The following UBAC2 variants were observed in gnomAD, a reference collection of about 807,000 sequenced individuals.
UBAC2 encodes the protein ubiquitin-associated domain-containing protein 2.
A neutral mutation model predicts 44.0 loss-of-function variants in UBAC2; 26 were observed. The ratio of observed to expected loss-of-function variants is 0.59; its 90% CI spans 0.43 to 0.82. The LOEUF (loss-of-function observed/expected upper bound fraction) is 0.82. UBAC2 is among the 40% of genes least tolerant of loss of function. The probability of loss-of-function intolerance (pLI) is 0.00; values close to 1 mark genes in which losing one functional copy is unlikely to be tolerated. For missense variants in UBAC2, 329 were observed against 419.4 expected (o/e 0.78, Z 1.88); for synonymous variants, 155 against 154.3 (o/e 1.00, Z -0.04).
chr13:99,362,203 G>A (rs1484337561), intron 7 of UBAC2, among the ~76,000 whole-genome samples: 1 of 152,100 alleles, frequency 6.6e-6, no homozygotes, highest in African/African-American at 2.4e-5. Context: ...ATTTACCCAT[G>A]TAAATCTAAT....
At chr13:99,380,927 A>T (rs931898340) in intron 8 of UBAC2, among the ~76,000 whole-genome samples, 1 of 152,266 alleles carries the variant, frequency 6.6e-6, no homozygotes, top group Non-Finnish European at 1.5e-5. Context: ...AAGGGGCATG[A>T]TCTGCCCCGC....
intron 4 of UBAC2, among the ~76,000 whole-genome samples, chr13:99,274,766 A>G (rs1174669825): frequency 6.8e-6 from 1 of 146,658 alleles, no homozygotes; most frequent in Non-Finnish European, 1.5e-5. Flanking sequence ...CCCAGGCTGG[A>G]GTGTGGTGGC....
chr13:99,212,998 G>A (rs34647286), intron 1 of UBAC2, among the ~76,000 whole-genome samples: 25,029 of 151,944 alleles, frequency 0.16, 2,332 homozygotes, highest in Middle Eastern at 0.23. Flanking sequence ...TGATTCCCAC[G>A]CCCACGTAAC....
chr13:99,303,073 G>A (rs76617964), intron 4 of UBAC2, among the ~76,000 whole-genome samples: 4,630 of 152,210 alleles, frequency 0.03, 92 homozygotes, highest in Middle Eastern at 0.13. Context: ...CTTAGTAGAG[G>A]CAGCCTTATT....
At chr13:99,309,465 A>G (rs1442238850) in intron 4 of UBAC2, among the ~76,000 whole-genome samples, 1 of 152,148 alleles carries the variant, frequency 6.6e-6, no homozygotes, top group African/African-American at 2.4e-5. Context: ...TGGGGTCATT[A>G]TCCTGTAAGA....
chr13:99,374,799 A>T (rs1227460005), intron 8 of UBAC2, among the ~76,000 whole-genome samples: 1 of 152,174 alleles, frequency 6.6e-6, no homozygotes, highest in Non-Finnish European at 1.5e-5. Context: ...CTCCCTGTGG[A>T]CAGCGAGCTT....
At chr13:99,340,175 G>C in intron 6 of UBAC2, 145 bp from the exon 7 acceptor site, 1 of 773,134 alleles carries the variant, frequency 1.3e-6, no homozygotes, top group East Asian at 2.7e-5. Flanking sequence ...CTGCAGTGTG[G>C]TAGAGGATTT....
intron 8 of UBAC2, among the ~76,000 whole-genome samples, chr13:99,381,037 G>A (rs754081003): frequency 3.9e-5 from 6 of 152,336 alleles, no homozygotes; most frequent in South Asian, 2.1e-4. Context: ...CCAGCACCGC[G>A]GCACATGTCG....
intron 6 of UBAC2, among the ~76,000 whole-genome samples, chr13:99,334,718 G>A (rs1385752048): frequency 6.6e-6 from 1 of 152,034 alleles, no homozygotes; most frequent in African/African-American, 2.4e-5. Flanking sequence ...AGGAAAGGGG[G>A]AGTAAAGAGT....
chr13:99,254,667 G>T (rs1031301958), intron 4 of UBAC2: 1 of 477,778 alleles, frequency 2.1e-6, no homozygotes, highest in Admixed American at 3.9e-5. Flanking sequence ...TTAATTATCT[G>T]TGTGAACAAG....
At chr13:99,382,659 C>T (rs748730396) in intron 8 of UBAC2, among the ~76,000 whole-genome samples, 18 of 152,158 alleles carry the variant, frequency 1.2e-4, no homozygotes, top group Non-Finnish European at 2.2e-4. Flanking sequence ...GCAGCCACAG[C>T]CCTCATACTG....
intron 6 of UBAC2, among the ~76,000 whole-genome samples, chr13:99,334,043 G>A (rs2138814683): frequency 6.6e-6 from 1 of 152,250 alleles, no homozygotes; most frequent in East Asian, 1.9e-4. Flanking sequence ...GAATTCTTGG[G>A]TCAAGTGACC....
chr13:99,312,699 C>T (rs763607713), intron 4 of UBAC2: 1 of 153,128 alleles, frequency 6.5e-6, no homozygotes, highest in Non-Finnish European at 1.5e-5. Flanking sequence ...GTTGCACAAG[C>T]TGAGTTTCCT....
intron 4 of UBAC2, chr13:99,296,305 A>G (rs959428215): frequency 3.6e-6 from 2 of 550,370 alleles, no homozygotes; most frequent in Non-Finnish European, 5.9e-6. Context: ...ATTTCATGAC[A>G]TGCAATTTTT....
At chr13:99,364,149 G>T (rs1294978058) in intron 7 of UBAC2, among the ~76,000 whole-genome samples, 2 of 136,304 alleles carry the variant, frequency 1.5e-5, no homozygotes, top group Non-Finnish European at 3.4e-5. Context: ...GTTTGGGTTT[G>T]GTTTTTGTTC....
intron 4 of UBAC2, among the ~76,000 whole-genome samples, chr13:99,269,406 A>G (rs1437681691): frequency 6.6e-6 from 1 of 152,214 alleles, no homozygotes; most frequent in Non-Finnish European, 1.5e-5. Flanking sequence ...TCCAGGACAT[A>G]ATTCACTGCA....
intron 4 of UBAC2, 135 bp downstream of exon 4, chr13:99,244,759 A>G (rs1468416791): frequency 2.0e-6 from 1 of 507,800 alleles, no homozygotes; most frequent in Non-Finnish European, 3.4e-6. Flanking sequence ...ATATGTAAAA[A>G]GTCTAATCTA....
chr13:99,284,770 G>C (rs1208009014), intron 4 of UBAC2, among the ~76,000 whole-genome samples: 1 of 152,152 alleles, frequency 6.6e-6, no homozygotes, highest in Non-Finnish European at 1.5e-5. Context: ...GGGCGACCTT[G>C]GCATTTTTGA....
chr13:99,237,415 C>A (rs1485229671), intron 1 of UBAC2, among the ~76,000 whole-genome samples: 1 of 152,060 alleles, frequency 6.6e-6, no homozygotes, highest in Non-Finnish European at 1.5e-5. Flanking sequence ...CATGTTCTCA[C>A]ACGTGGAAGC....
Sources: allele counts gnomAD v4.1 joint callset (sites outside exome capture counted in the v4.1 genomes callset), GRCh38; gene constraint gnomAD v4.1.1; transcripts MANE v1.5; gene names NCBI Gene and HGNC (gene_info 2026-07-23, HGNC 2026-07-21).